Variants in TRAPPC2L observed in about 807,000 individuals in gnomAD.
TRAPPC2L encodes trafficking protein particle complex subunit 2L, also known as trafficking protein particle complex subunit 2-like protein.
Under a neutral mutation model 13.2 loss-of-function variants are expected in TRAPPC2L, and 17 were observed. The observed-to-expected ratio is 1.29, with a 90% confidence interval of 0.88 to 1.93. TRAPPC2L has a LOEUF of 1.93. Ranked by LOEUF, TRAPPC2L falls within the 30% of genes most tolerant of loss-of-function variation. TRAPPC2L has a pLI of 0.00. For synonymous variants in TRAPPC2L, 150 were observed against 98.1 expected, an observed-to-expected ratio of 1.53 and a Z score of -3.12; for missense variants, 359 against 252.1, an observed-to-expected ratio of 1.42 and a Z score of -2.87.
chr16:88,857,079 G>A, upstream of TRAPPC2L: 2 of 1,525,082 alleles, frequency 1.3e-6, no homozygotes, highest in East Asian at 2.5e-5. Flanking sequence ...TGTGCGGATG[G>A]GGCGGGGCTT....
At chr16:88,859,683 C>T in exon 3 of TRAPPC2L, 1 of 1,613,998 alleles carries the variant, frequency 6.2e-7, no homozygotes, top group Non-Finnish European at 8.5e-7. Flanking sequence ...GTCACCAACT[C>T]CAAGGTGAAG....
Position 88,860,935 on chromosome 16 carries a change from G to A in TRAPPC2L, c.*611G>A, listed in dbSNP as rs116626866. On this transcript the variant is annotated 3_prime_UTR_variant, in exon 4 of 4. Transcript: ENST00000565504. ...GCAGGGCCTTTGATAACATGGTGAC[G>A]TCGATGATGATACAGGTGTGCTGAG... The A allele has an allele frequency of 1.3e-5, 21 of 1,594,008 alleles. No homozygotes were observed. In the African/African-American group the frequency reaches 2.0e-4, roughly 15 times the overall value.
At chr16:88,859,623 G>A in intron 2 of TRAPPC2L, 40 bp from the exon 3 acceptor site, 1 of 1,589,272 alleles carries the variant, frequency 6.3e-7, no homozygotes, top group Non-Finnish European at 8.6e-7. Context: ...TCCACCGGCA[G>A]TCCCTGTGTT....
In TRAPPC2L at chr16:88,859,948, A is replaced by AC. The variant is rs1968259658; in HGVS notation, c.353dup (p.Asp120GlyfsTer36). 1 of 1,515,296 alleles carries AC rather than the reference A, an allele frequency of 6.6e-7. No individual in the cohort carries two copies. Among genetic ancestry groups the AC allele is most frequent in the Non-Finnish European group, 8.8e-7 (1 of 1,133,126 alleles). The allele number at this position is 1,515,296 out of a possible 1,614,324, so 93.9% of individuals were successfully genotyped here. On this transcript the variant is annotated frameshift_variant, in exon 4 of 4. Coordinates refer to ENST00000565504, the Ensembl canonical transcript of TRAPPC2L. LOFTEE classifies it low-confidence loss of function (END_TRUNC). ...GACGTGATGTGCAACCCCTTCTACA[A>AC]CCCGGGGGACCGCATCCAGTCCAGG...
At chr16:88,860,367 G>A (rs1001743452) in exon 4 of TRAPPC2L, 11 of 649,182 alleles carry the variant, frequency 1.7e-5, no homozygotes, top group African/African-American at 1.6e-4. Context: ...CTGGTTTGCA[G>A]GTGTCTTCCG....
upstream of TRAPPC2L, chr16:88,857,011 G>T (rs1180374254): frequency 2.9e-6 from 4 of 1,390,610 alleles, no homozygotes; most frequent in Admixed American, 7.3e-5. Flanking sequence ...TCCGCGGAGG[G>T]ACGGGAGGCG....
At chr16:88,860,336 G>T (rs1485714539) in exon 4 of TRAPPC2L, 1 of 683,710 alleles carries the variant, frequency 1.5e-6, no homozygotes, top group South Asian at 1.5e-5. Context: ...CTTTTATGTT[G>T]AATTTGGAAC....
chr16:88,860,528 A>G, exon 4 of TRAPPC2L: 1 of 594,754 alleles, frequency 1.7e-6, no homozygotes, highest in East Asian at 2.8e-5. Flanking sequence ...GCAGTGATCC[A>G]AGGCAGGCCC....
exon 4 of TRAPPC2L, chr16:88,860,170 A>G (rs1968289981): frequency 2.8e-6 from 2 of 711,890 alleles, no homozygotes; most frequent in South Asian, 1.5e-5. Flanking sequence ...TCTCCAGCGC[A>G]TAAAGTGGAT....
chr16:88,860,018 T>C (rs1968277816), exon 4 of TRAPPC2L: 4 of 1,475,002 alleles, frequency 2.7e-6, no homozygotes, highest in African/African-American at 2.8e-5. Context: ...CTGTAGGACA[T>C]GCCTTGCCAT....
chr16:88,859,284 C>T, intron 2 of TRAPPC2L: 1 of 593,736 alleles, frequency 1.7e-6, no homozygotes, highest in Non-Finnish European at 3.2e-6. Context: ...CACTATTTTA[C>T]AAAATAATGT....
At chr16:88,859,161 A>G in intron 2 of TRAPPC2L, 1 of 430,256 alleles carries the variant, frequency 2.3e-6, no homozygotes, top group South Asian at 2.0e-5. Context: ...CTTGCCTCTT[A>G]TGTCACTAGA....
At chr16:88,857,428 CG>C in intron 1 of TRAPPC2L, 1 of 470,492 alleles carries the variant, frequency 2.1e-6, no homozygotes, top group Non-Finnish European at 3.8e-6. Context: ...GTCTCCTCCC[CG>C]CCAGGACCCA....
intron 1 of TRAPPC2L, 112 bp downstream of exon 1, chr16:88,857,295 G>A: frequency 9.7e-7 from 1 of 1,034,928 alleles, no homozygotes; most frequent in Non-Finnish European, 1.3e-6. Context: ...ACCTGGAGGA[G>A]GCCTTCGCCG....
chr16:88,856,363 C>T (rs376660164), upstream of TRAPPC2L: 3 of 701,678 alleles, frequency 4.3e-6, no homozygotes, highest in Non-Finnish European at 7.8e-6. Flanking sequence ...TTTGGGGAGG[C>T]CACGCTGCGC....
intron 2 of TRAPPC2L, chr16:88,859,097 G>A: frequency 2.1e-6 from 1 of 467,814 alleles, no homozygotes; most frequent in Admixed American, 3.4e-5. Context: ...GTGCTTTTCA[G>A]GGGGAGCCAC....
intron 2 of TRAPPC2L, 170 bp downstream of exon 2, chr16:88,858,961 G>GAAAGA: frequency 1.5e-6 from 1 of 677,056 alleles, no homozygotes; most frequent in Non-Finnish European, 2.4e-6. Flanking sequence ...CTCTTTCATT[G>GAAAGA]GAAGAGCCAT....
chr16:88,858,510 G>C (rs1773289811), intron 1 of TRAPPC2L, 109 bp from the exon 2 acceptor site: 1 of 1,224,482 alleles, frequency 8.2e-7, no homozygotes. Context: ...TTAGAGCATG[G>C]GAATGCGTTC....
chr16:88,861,050 C>G, exon 4 of TRAPPC2L: 1 of 1,303,614 alleles, frequency 7.7e-7, no homozygotes, highest in Non-Finnish European at 1.1e-6. Context: ...CTGAATGGGA[C>G]GCCTGGGGCT....
Sources: allele counts gnomAD v4.1 joint callset, GRCh38; gene constraint gnomAD v4.1.1; transcripts MANE v1.5; gene names NCBI Gene and HGNC (gene_info 2026-07-23, HGNC 2026-07-21).